RGPD2: variants seen among roughly 807,000 people sequenced by gnomAD.
RGPD2 encodes RANBP2-like and GRIP domain-containing protein 2.
Under a neutral mutation model 36.0 loss-of-function variants are expected in RGPD2, and 2 were observed. The ratio of observed to expected loss-of-function variants is 0.06; its 90% CI spans 0.02 to 0.17. RGPD2 has a LOEUF of 0.17. Ranked by LOEUF, RGPD2 falls within the 10% of genes least tolerant of loss-of-function variation. The pLI is 1.00. For missense variants in RGPD2, 40 were observed against 464.3 expected, an observed-to-expected ratio of 0.09 and a Z score of 8.40; for synonymous variants, 19 against 163.8, an observed-to-expected ratio of 0.12 and a Z score of 6.75.
At chr2:87,967,539 T>A in the RGPD2 span, among the ~76,000 whole-genome samples, 18 of 149,954 alleles carry the variant, frequency 1.2e-4, no homozygotes, top group African/African-American at 4.6e-4. Context: ...AAATTAAGAA[T>A]TTTTAAATAT....
the RGPD2 span, among the ~76,000 whole-genome samples, chr2:87,855,131 ACTT>A: frequency 2.0e-5 from 3 of 151,644 alleles, no homozygotes; most frequent in Admixed American, 6.6e-5. Context: ...CATCCTCAGA[ACTT>A]CTTCATCTTA....
At chr2:87,918,357 A>C in the RGPD2 span, among the ~76,000 whole-genome samples, 1 of 149,986 alleles carries the variant, frequency 6.7e-6, no homozygotes, top group Non-Finnish European at 1.5e-5. Flanking sequence ...TTTATCAGTC[A>C]TGTTATTACT....
chr2:87,961,590 T>C, the RGPD2 span, among the ~76,000 whole-genome samples: 1 of 149,192 alleles, frequency 6.7e-6, no homozygotes, highest in Non-Finnish European at 1.5e-5. Context: ...TAATCCCAGC[T>C]ACTCGGGAGG....
the RGPD2 span, among the ~76,000 whole-genome samples, chr2:87,876,516 A>G: frequency 6.6e-6 from 1 of 152,270 alleles, no homozygotes; most frequent in South Asian, 2.1e-4. Context: ...GGATCGCTCA[A>G]TTTCCATGTA....
At chr2:87,931,012 T>C in the RGPD2 span, among the ~76,000 whole-genome samples, 17 of 67,114 alleles carry the variant, frequency 2.5e-4, no homozygotes, top group African/African-American at 9.8e-4. Context: ...ATTTTTTTTT[T>C]CAAAAAACAA....
At chr2:87,984,947 AAAAG>A in the RGPD2 span, among the ~76,000 whole-genome samples, 1 of 149,264 alleles carries the variant, frequency 6.7e-6, no homozygotes. Context: ...AAAAAAAAAA[AAAAG>A]GATTTGGTGT....
At chr2:87,985,838 A>G in the RGPD2 span, 5 of 1,610,958 alleles carry the variant, frequency 3.1e-6, no homozygotes, top group Admixed American at 1.7e-5. Context: ...CACTGTGGAC[A>G]TTGTACCACT....
the RGPD2 span, among the ~76,000 whole-genome samples, chr2:87,848,850 TGAG>T: frequency 1.6e-5 from 2 of 124,402 alleles, no homozygotes; most frequent in Non-Finnish European, 3.7e-5. Flanking sequence ...GGAAAATAAT[TGAG>T]GGTGTGGTGT....
chr2:87,853,636 A>T, the RGPD2 span, among the ~76,000 whole-genome samples: 1 of 150,950 alleles, frequency 6.6e-6, no homozygotes, highest in Non-Finnish European at 1.5e-5. Context: ...GTTCTATTAC[A>T]TTTGCTTTTA....
the RGPD2 span, among the ~76,000 whole-genome samples, chr2:87,854,031 T>C: frequency 3.3e-5 from 5 of 151,980 alleles, no homozygotes; most frequent in South Asian, 2.1e-4. Flanking sequence ...TATCACTTCA[T>C]AATTAATTGA....
chr2:87,857,959 G>C, the RGPD2 span, among the ~76,000 whole-genome samples: 6 of 152,324 alleles, frequency 3.9e-5, no homozygotes, highest in South Asian at 1.2e-3. Context: ...TAAGGGAAAA[G>C]AGTTCTGAAA....
the RGPD2 span, among the ~76,000 whole-genome samples, chr2:87,848,859 GGTGTGT>G: frequency 7.6e-5 from 11 of 145,030 alleles, no homozygotes; most frequent in South Asian, 4.8e-4. Context: ...TTGAGGGTGT[GGTGTGT>G]GTGTGTGTGT....
chr2:87,881,245 C>T, the RGPD2 span, among the ~76,000 whole-genome samples: 6 of 151,456 alleles, frequency 4.0e-5, no homozygotes, highest in Admixed American at 3.3e-4. Context: ...AAGGTGTAAG[C>T]TGCAGGTGGA....
chr2:87,807,265 T>A (rs1355072162), intron 6 of RGPD2, among the ~76,000 whole-genome samples: 1 of 144,574 alleles, frequency 6.9e-6, no homozygotes, highest in African/African-American at 2.9e-5. Flanking sequence ...TTAACAGTTG[T>A]AATTTCTCAA....
the RGPD2 span, among the ~76,000 whole-genome samples, chr2:87,977,642 AT>A: frequency 6.8e-6 from 1 of 148,064 alleles, no homozygotes. Context: ...GCGAGACTCT[AT>A]TTCTTTAAAC....
chr2:87,830,458 C>G (rs1400252629), upstream of RGPD2, among the ~76,000 whole-genome samples: 1 of 152,066 alleles, frequency 6.6e-6, no homozygotes, highest in Non-Finnish European at 1.5e-5. Context: ...TCTAAACTTT[C>G]TCACATTTTT....
chr2:87,986,912 C>A, the RGPD2 span, among the ~76,000 whole-genome samples: 2 of 149,510 alleles, frequency 1.3e-5, no homozygotes, highest in Admixed American at 6.7e-5. Flanking sequence ...AAACATACAA[C>A]TTCTATGTTT....
At chr2:87,824,751 C>CGAG (rs1238144910) in intron 1 of RGPD2, among the ~76,000 whole-genome samples, 2 of 86,676 alleles carry the variant, frequency 2.3e-5, no homozygotes, top group Admixed American at 1.2e-4. Context: ...AGGCCGCCGC[C>CGAG]GCCGCCGCCG....
At chr2:87,846,172 G>A in the RGPD2 span, among the ~76,000 whole-genome samples, 4 of 151,292 alleles carry the variant, frequency 2.6e-5, no homozygotes, top group Admixed American at 1.3e-4. Flanking sequence ...TGGGGTAATA[G>A]CCTCATTGGT....
Sources: gnomAD v4.1 joint callset for allele counts (sites outside exome capture counted in the v4.1 genomes callset) on GRCh38, gnomAD v4.1.1 for gene constraint, MANE v1.5 for transcripts, NCBI Gene and HGNC (gene_info 2026-07-23, HGNC 2026-07-21) for gene names.